SBF2: variants seen among roughly 807,000 people sequenced by gnomAD.
SBF2 encodes the protein myotubularin-related protein 13.
A neutral mutation model predicts 225.2 loss-of-function variants in SBF2; 112 were observed. The observed-to-expected ratio is 0.50, with a 90% CI of 0.43 to 0.58. SBF2 has a LOEUF of 0.58. SBF2 is among the 20% of genes least tolerant of loss of function. The probability of loss-of-function intolerance (pLI) is 0.00; values close to 1 mark genes in which losing one functional copy is unlikely to be tolerated. For missense variants in SBF2, 1,996 were observed against 2,206.2 expected, an observed-to-expected ratio of 0.90 and a Z score of 1.91; for synonymous variants, 763 against 773.3, an observed-to-expected ratio of 0.99 and a Z score of 0.22.
At chr11:10,158,550 C>A (rs934552349) in intron 2 of SBF2, among the ~76,000 whole-genome samples, 2 of 152,088 alleles carry the variant, frequency 1.3e-5, no homozygotes, top group African/African-American at 4.8e-5. Flanking sequence ...CAATCATATG[C>A]AAACAAATTG....
In SBF2 at chr11:10,248,187, T is replaced by C. The variant is rs578208096; in HGVS notation, c.55+45828A>G. Among the ~76,000 whole-genome samples the C allele has an allele frequency of 6.6e-5, 10 of 152,320 alleles. No homozygotes were observed. The South Asian group carries it at 2.1e-3, about 32-fold the overall frequency. Reference sequence around the variant, plus strand: ...GGTATTAAAGAAAAGAGATTTTATATATGAAAGGATCTTGTATAATAAATG... The same window carrying C: ...GGTATTAAAGAAAAGAGATTTTATACATGAAAGGATCTTGTATAATAAATG... On this transcript the variant is annotated intron_variant, in intron 1 of 39. Transcript: ENST00000256190.
At chr11:10,136,519 G>A (rs75004893) in intron 2 of SBF2, among the ~76,000 whole-genome samples, 11,601 of 152,238 alleles carry the variant, frequency 0.076, 635 homozygotes, top group East Asian at 0.28. Flanking sequence ...CCTATCTGCT[G>A]AAGCCTCCAA....
intron 8 of SBF2, among the ~76,000 whole-genome samples, chr11:9,999,835 T>A (rs1947879024): frequency 6.6e-6 from 1 of 152,228 alleles, no homozygotes; most frequent in African/African-American, 2.4e-5. Flanking sequence ...AATTATAATG[T>A]TAAATAATAT....
intron 20 of SBF2, 105 bp downstream of exon 20, chr11:9,853,430 TAAATA>T (rs1857102005): frequency 1.0e-6 from 1 of 954,504 alleles, no homozygotes; most frequent in Admixed American, 1.9e-5. Context: ...AATCAGAAAA[TAAATA>T]AATAGCATGG....
intron 2 of SBF2, among the ~76,000 whole-genome samples, chr11:10,116,366 G>C (rs1476546020): frequency 1.3e-5 from 2 of 152,084 alleles, no homozygotes; most frequent in South Asian, 4.1e-4. Flanking sequence ...CATATACCAG[G>C]TAAGGCATTT....
intron 6 of SBF2, among the ~76,000 whole-genome samples, chr11:10,011,381 C>T (rs1005679876): frequency 2.6e-5 from 4 of 152,062 alleles, no homozygotes; most frequent in African/African-American, 9.7e-5. Context: ...TGTACACCAC[C>T]ACATCTGGAT....
At chr11:9,877,215 A>G (rs986201408) in intron 17 of SBF2, among the ~76,000 whole-genome samples, 4 of 152,216 alleles carry the variant, frequency 2.6e-5, no homozygotes, top group Non-Finnish European at 4.4e-5. Flanking sequence ...TATGACAACA[A>G]TGATGATCAA....
At chr11:9,782,142 G>A (rs1852048626) in intron 38 of SBF2, among the ~76,000 whole-genome samples, 1 of 150,550 alleles carries the variant, frequency 6.6e-6, no homozygotes, top group South Asian at 2.1e-4. Context: ...CTGAGATCCT[G>A]CCACTGCACT....
chr11:10,070,264 T>C (rs1367821600), intron 2 of SBF2, among the ~76,000 whole-genome samples: 1 of 152,226 alleles, frequency 6.6e-6, no homozygotes, highest in African/African-American at 2.4e-5. Context: ...TGCCTAGGTT[T>C]TTCTTCTAGG....
intron 39 of SBF2, chr11:9,780,953 C>T (rs1851965038): frequency 6.8e-6 from 2 of 295,156 alleles, no homozygotes; most frequent in South Asian, 3.5e-5. Context: ...TATTGGAAGC[C>T]CACTGTCAGG....
chr11:9,945,193 C>CCT (rs1865493851), intron 16 of SBF2, among the ~76,000 whole-genome samples: 1 of 152,150 alleles, frequency 6.6e-6, no homozygotes, highest in African/African-American at 2.4e-5. Flanking sequence ...TAACTTCAAA[C>CCT]TATACCACAA....
intron 13 of SBF2, among the ~76,000 whole-genome samples, chr11:9,989,055 T>TATATATATATATATATATATACAC (rs963608316): frequency 7.0e-6 from 1 of 142,630 alleles, no homozygotes; most frequent in Non-Finnish European, 1.6e-5. Context: ...TATATATATA[T>TATATATATATATATATATATACAC]ACATATGCAT....
At chr11:10,285,012 TAA>T (rs1963655485) in intron 1 of SBF2, among the ~76,000 whole-genome samples, 1 of 151,736 alleles carries the variant, frequency 6.6e-6, no homozygotes, top group Non-Finnish European at 1.5e-5. Context: ...GGAACAAAAA[TAA>T]AGAGTGTATC....
chr11:9,967,961 CTCTCTCTCTCTATATA>C (rs149277913), intron 14 of SBF2, among the ~76,000 whole-genome samples: 11,049 of 127,606 alleles, frequency 0.087, 557 homozygotes, highest in East Asian at 0.25. Context: ...CTCTCTCTCT[CTCTCTCTCTCTATATA>C]TATATATATA....
chr11:10,076,175 C>T (rs567439709), intron 2 of SBF2, among the ~76,000 whole-genome samples: 38 of 152,238 alleles, frequency 2.5e-4, no homozygotes, highest in African/African-American at 7.9e-4. Context: ...TACTAAGGAA[C>T]GAGGCAATCC....
In SBF2 at chr11:9,812,594, T is replaced by G. The variant is rs1854250836; in HGVS notation, c.4093A>C (p.Ile1365Leu). The G allele has an allele frequency of 6.2e-7, 1 of 1,614,118 alleles. No individual in the cohort carries two copies. Among genetic ancestry groups the G allele is most frequent in the Admixed American group, 1.7e-5 (1 of 60,000 alleles). ...AAGGTCACTTCTGAGTCAGTAGGGA[T>G]GGTGCTTGGGATACAAGCCCTCATC... The part of the protein sequence containing the change: ...KLMRACIPST[I>L]PTDSEVTFLK... The change falls in exon 30 of 40, where the codon ATC becomes CTC. Residue 1365 changes from isoleucine (I) to leucine (L), a missense_variant. Coordinates refer to ENST00000256190, the MANE Select transcript of SBF2 (RefSeq NM_030962.4).
chr11:10,109,527 C>A (rs1036260964), intron 2 of SBF2, among the ~76,000 whole-genome samples: 3 of 152,188 alleles, frequency 2.0e-5, no homozygotes, highest in Non-Finnish European at 4.4e-5. Flanking sequence ...AATACAAATA[C>A]ATTTGTTAGC....
At chr11:10,113,082 C>T (rs954746118) in intron 2 of SBF2, among the ~76,000 whole-genome samples, 2 of 152,070 alleles carry the variant, frequency 1.3e-5, no homozygotes, top group African/African-American at 4.8e-5. Context: ...CAACCTCCAC[C>T]TCCTGGGCTT....
chr11:10,100,528 C>T (rs940660566), intron 2 of SBF2, among the ~76,000 whole-genome samples: 7 of 152,318 alleles, frequency 4.6e-5, no homozygotes, highest in South Asian at 2.1e-4. Context: ...CCTGGGGAGA[C>T]GTCCCATAAC....
Sources: gnomAD v4.1 joint callset for allele counts (sites outside exome capture counted in the v4.1 genomes callset) on GRCh38, gnomAD v4.1.1 for gene constraint, MANE v1.5 for transcripts, NCBI Gene and HGNC (gene_info 2026-07-23, HGNC 2026-07-21) for gene names.